Variants in PARP14 observed in about 807,000 individuals in gnomAD.
The protein encoded by PARP14 is protein mono-ADP-ribosyltransferase PARP14.
PARP14 carries 59 observed loss-of-function variants against 154.2 expected under a neutral mutation model. The ratio of observed to expected loss-of-function variants is 0.38; its 90% confidence interval spans 0.31 to 0.48. The LOEUF (loss-of-function observed/expected upper bound fraction) is 0.48. PARP14 is among the 20% of genes least tolerant of loss of function. PARP14 has a pLI of 0.98. For synonymous variants in PARP14, 720 were observed against 780.5 expected (o/e 0.92, Z 1.29); for missense variants, 1,734 against 2,131.6 (o/e 0.81, Z 3.67).
At chr3:122,688,329 C>G (rs1473216334) in intron 3 of PARP14, among the ~76,000 whole-genome samples, 1 of 152,174 alleles carries the variant, frequency 6.6e-6, no homozygotes, top group Non-Finnish European at 1.5e-5. Context: ...CTTATGACTT[C>G]ATAGATTTTT....
At chr3:122,692,876 G>T (rs1403308625) in intron 4 of PARP14, among the ~76,000 whole-genome samples, 1 of 152,020 alleles carries the variant, frequency 6.6e-6, no homozygotes, top group African/African-American at 2.4e-5. Context: ...TACAGGAGTC[G>T]GCTTTTTCAC....
Position 122,700,456 on chromosome 3 carries a change from C to A in PARP14, c.1902C>A (p.Ile634=). Residue 634 remains isoleucine (I), a synonymous_variant, in exon 6 of 17, where the codon ATC becomes ATA. Coordinates refer to ENST00000474629, the MANE Select transcript of PARP14 (RefSeq NM_017554.3). Reference sequence around the variant, plus strand: ...ATTCCTCCCCAAACACTGTAATCATCAATGAGTTAACTTCAGAAACCACAG... The same window carrying A: ...ATTCCTCCCCAAACACTGTAATCATAAATGAGTTAACTTCAGAAACCACAG... ...KQNSSPNTVI[I]NELTSETTAE... 6.2e-7 allele frequency: 1 copy of A among 1,613,202 alleles called. No individual in the cohort carries two copies. The highest frequency in any genetic ancestry group is 8.5e-7 in the Non-Finnish European group (1 of 1,179,440).
intron 2 of PARP14, among the ~76,000 whole-genome samples, chr3:122,686,305 C>T (rs912499954): frequency 6.6e-6 from 1 of 151,860 alleles, no homozygotes; most frequent in African/African-American, 2.4e-5. Context: ...AGGCACATGC[C>T]ACCACACCTG....
Position 122,720,400 on chromosome 3 carries a change from G to C in PARP14, c.4941+12G>C. ...TCAGAATAGAGAAGGTAAGCCTTCT[G>C]CTAGAATGCAGTTTCTGGATGGTGG... On this transcript the variant is annotated intron_variant, in intron 15 of 16. Transcript: ENST00000474629. 1 of 1,610,370 alleles carries C rather than the reference G, an allele frequency of 6.2e-7. No homozygotes were observed. Among genetic ancestry groups the C allele is most frequent in the Non-Finnish European group, 8.5e-7 (1 of 1,177,712 alleles).
intron 1 of PARP14, 55 bp from the exon 2 acceptor site, chr3:122,685,130 T>C: frequency 6.3e-7 from 1 of 1,597,070 alleles, no homozygotes; most frequent in Non-Finnish European, 8.6e-7. Context: ...TAGAATAATT[T>C]TGTAAATAAA....
rs779072050 is a variant in PARP14 at position 122,699,968 on chromosome 3, A to G, written c.1414A>G (p.Ile472Val). Residue 472 changes from isoleucine to valine, a missense_variant, in exon 6 of 17, where the codon ATC (isoleucine) becomes GTC (valine). Ile to Val is a conservative substitution (Grantham distance 29, BLOSUM62 3). Transcript: ENST00000474629. The stretch of plus-strand genomic sequence containing the variant: ...AGAGCAAAGTTTGAAGGAAAAAATG[A>G]TCATTTCTCCAGGCAGGTATTTTCT... The part of the protein sequence containing the change: ...REEQSLKEKM[I>V]ISPGRYFLLC... 6.2e-7 allele frequency: 1 copy of G among 1,613,948 alleles called. No individual in the cohort carries two copies. The highest frequency in any genetic ancestry group is 1.1e-5 in the South Asian group (1 of 91,072).
intron 9 of PARP14, among the ~76,000 whole-genome samples, chr3:122,711,896 G>A (rs370156854): frequency 2.0e-5 from 3 of 152,206 alleles, no homozygotes; most frequent in South Asian, 2.1e-4. Flanking sequence ...AGCCTTGAAT[G>A]ATCTTTTGTA....
Position 122,718,285 on chromosome 3 carries a change from C to T in PARP14, c.4207+8C>T, listed in dbSNP as rs565713526. The T allele has an allele frequency of 6.2e-7, 1 of 1,612,686 alleles. No homozygotes were observed. The highest frequency in any genetic ancestry group is 1.3e-5 in the African/African-American group (1 of 74,958). On this transcript the variant is annotated splice_region_variant and intron_variant, in intron 13 of 16. Coordinates refer to ENST00000474629, the MANE Select transcript of PARP14 (RefSeq NM_017554.3). ...TGATGTCTAAACTTGCATGTGAGTT[C>T]TTTGTTTTTATGAAATGCATGTTCA...
chr3:122,711,279 G>A (rs1424540656), intron 9 of PARP14, among the ~76,000 whole-genome samples: 1 of 152,130 alleles, frequency 6.6e-6, no homozygotes, highest in Non-Finnish European at 1.5e-5. Context: ...CTATTTTGTT[G>A]AGGGTTTTTA....
chr3:122,703,254 AG>A (rs1186865547), intron 6 of PARP14, among the ~76,000 whole-genome samples: 8 of 152,128 alleles, frequency 5.3e-5, no homozygotes, highest in African/African-American at 1.9e-4. Context: ...CCTTTCTGTC[AG>A]GGAGTCCAGA....
At chr3:122,698,199 C>CCACTGCTT (rs1252300114) in intron 5 of PARP14, among the ~76,000 whole-genome samples, 3 of 152,202 alleles carry the variant, frequency 2.0e-5, no homozygotes, top group Admixed American at 1.3e-4. Context: ...CCTCTGAAGG[C>CCACTGCTT]CACTGCTTTT....
At position 122,729,348 on chromosome 3, in the gene PARP14, G is replaced by C. The variant is rs1243860087; in HGVS notation, c.*751G>C. The C allele has an allele frequency of 1.3e-5, 2 of 152,678 alleles. No individual in the cohort carries two copies. Among genetic ancestry groups the C allele is most frequent in the African/African-American group, 4.8e-5 (2 of 41,412 alleles). 9.5% of individuals were successfully genotyped at this position (152,678 alleles called of 1,614,324 possible). ...GCTGTGATGTGGCTGTGGTCTAGGGGAATCCTGCCTGCCCCATGGAGTTGC... is the reference window on the plus strand; with the variant it reads ...GCTGTGATGTGGCTGTGGTCTAGGGCAATCCTGCCTGCCCCATGGAGTTGC... On this transcript the variant is annotated 3_prime_UTR_variant, in exon 17 of 17. Transcript: ENST00000474629.
At chr3:122,708,532 G>C (rs140390019) in intron 9 of PARP14, among the ~76,000 whole-genome samples, 2 of 152,144 alleles carry the variant, frequency 1.3e-5, no homozygotes, top group African/African-American at 4.8e-5. Context: ...AGGAGAATGT[G>C]ACATGTATTT....
chr3:122,707,113 A>G (rs946242662), intron 8 of PARP14, among the ~76,000 whole-genome samples: 1 of 152,150 alleles, frequency 6.6e-6, no homozygotes, highest in Admixed American at 6.6e-5. Flanking sequence ...TTTTTTTTAC[A>G]TATGTACTTT....
chr3:122,720,759 A>G, intron 15 of PARP14: 1 of 459,938 alleles, frequency 2.2e-6, no homozygotes, highest in African/African-American at 2.0e-5. Flanking sequence ...CCCATTATTC[A>G]CAGATCAACA....
chr3:122,706,878 TGCTC>T (rs1939171740), intron 8 of PARP14, among the ~76,000 whole-genome samples: 1 of 152,098 alleles, frequency 6.6e-6, no homozygotes, highest in Non-Finnish European at 1.5e-5. Context: ...ACCAGCTACT[TGCTC>T]CAAAAATCAT....
At chr3:122,715,676 C>T (rs1932981443) in intron 12 of PARP14, among the ~76,000 whole-genome samples, 1 of 151,406 alleles carries the variant, frequency 6.6e-6, no homozygotes, top group Admixed American at 6.6e-5. Flanking sequence ...CTATCTCTAT[C>T]ATCTCTCTAC....
In PARP14 at chr3:122,701,518, G is replaced by A. The variant is rs760556993; in HGVS notation, c.2964G>A (p.Pro988=). 199 of 1,612,774 alleles carry A rather than the reference G, an allele frequency of 1.2e-4. 2 individuals carry two copies. In the South Asian group the frequency reaches 1.8e-3, roughly 14 times the overall value. Residue 988 remains proline (P), a synonymous_variant, in exon 6 of 17, where the codon CCG becomes CCA. Transcript: ENST00000474629. This position sits in a 1 kb window ranked among gnomAD's most constrained non-coding sequence, Gnocchi z 4.0. ...FKATLPDTAA[P]PGLPPAAAGP... Reference sequence around the variant, plus strand: ...CCACCCTGCCAGATACAGCTGCCCCGCCAGGTTTACCACCAGCAGCAGCGG... The same window carrying A: ...CCACCCTGCCAGATACAGCTGCCCCACCAGGTTTACCACCAGCAGCAGCGG...
chr3:122,696,755 G>A (rs914371096), intron 5 of PARP14, among the ~76,000 whole-genome samples: 3 of 152,032 alleles, frequency 2.0e-5, no homozygotes, highest in Admixed American at 6.6e-5. Flanking sequence ...ATTTAATTAA[G>A]GTTTATTTTC....
Sources: gnomAD v4.1 joint callset for allele counts (sites outside exome capture counted in the v4.1 genomes callset) on GRCh38, gnomAD v4.1.1 for gene constraint, Gnocchi (gnomAD v3.1) non-coding constraint, MANE v1.5 for transcripts, NCBI Gene and HGNC (gene_info 2026-07-23, HGNC 2026-07-21) for gene names.